Variants in ACER1 observed in about 807,000 individuals in gnomAD.
ACER1 encodes CTB-180A7.3.
Under a neutral mutation model 24.9 loss-of-function variants are expected in ACER1, and 28 were observed. The ratio of observed to expected loss-of-function variants is 1.13; its 90% CI spans 0.83 to 1.54. The LOEUF (loss-of-function observed/expected upper bound fraction) is 1.54, where lower values mean the gene tolerates loss of function less well. Ranked by LOEUF, ACER1 falls within the 40% of genes most tolerant of loss-of-function variation. ACER1 has a pLI of 0.00. For missense variants in ACER1, 352 were observed against 349.3 expected (o/e 1.01, Z -0.06); for synonymous variants, 132 against 131.4 (o/e 1.00, Z -0.03).
chr19:6,311,973 C>T (rs1395214063), intron 3 of ACER1, among the ~76,000 whole-genome samples, 176 bp downstream of exon 3: 2 of 151,772 alleles, frequency 1.3e-5, no homozygotes, highest in Admixed American at 1.3e-4. Flanking sequence ...GGAGGGGTCT[C>T]CAGAAGCCCA....
In ACER1 at chr19:6,309,985, G is replaced by C. The variant is rs956482681; in HGVS notation, c.351-151C>G. 1.0e-4 allele frequency: 97 copies of C among 943,392 alleles called. No homozygotes were observed. In the South Asian group the frequency reaches 1.6e-3, roughly 15 times the overall value. The allele number at this position is 943,392 out of a possible 1,614,324, so 58.4% of individuals were successfully genotyped here. ...TCAGAAAAGGGTCCTAGCCAGGCAG[G>C]GCACGGTGGCTCATGTCTGTAATCC... On this transcript the variant is annotated intron_variant, in intron 3 of 5. Transcript: ENST00000301452.
chr19:6,340,862 G>A, the ACER1 span, among the ~76,000 whole-genome samples: 1 of 152,098 alleles, frequency 6.6e-6, no homozygotes, highest in Non-Finnish European at 1.5e-5. Context: ...GCTCTCAGCG[G>A]TTATTGTAAC....
At chr19:6,356,399 C>G in the ACER1 span, among the ~76,000 whole-genome samples, 7 of 149,080 alleles carry the variant, frequency 4.7e-5, no homozygotes, top group East Asian at 1.4e-3. Flanking sequence ...TATCTGCTGA[C>G]CCTCCCTCCA....
chr19:6,311,680 A>G (rs1036985540), intron 3 of ACER1, among the ~76,000 whole-genome samples: 16 of 151,972 alleles, frequency 1.1e-4, no homozygotes, highest in African/African-American at 1.9e-4. Context: ...GAGGAGAAGG[A>G]GGAGGAGGTG....
At chr19:6,336,239 C>G (rs1017127565), upstream of ACER1, among the ~76,000 whole-genome samples, 1 of 152,016 alleles carries the variant, frequency 6.6e-6, no homozygotes, top group Non-Finnish European at 1.5e-5. Flanking sequence ...CTCTGTTGCC[C>G]AAGCTGGAGT....
the ACER1 span, among the ~76,000 whole-genome samples, chr19:6,347,218 C>CTTTTTTTTTTTT: frequency 7.6e-6 from 1 of 132,208 alleles, no homozygotes; most frequent in Non-Finnish European, 1.5e-5. Flanking sequence ...CTTTTCTTTT[C>CTTTTTTTTTTTT]TTTTTCTTTT....
chr19:6,313,192 C>T (rs1304148714), intron 1 of ACER1, among the ~76,000 whole-genome samples: 1 of 152,064 alleles, frequency 6.6e-6, no homozygotes, highest in Non-Finnish European at 1.5e-5. Flanking sequence ...GATCATGGCT[C>T]ATTGCAGCCT....
At chr19:6,357,301 C>A in the ACER1 span, among the ~76,000 whole-genome samples, 1 of 152,070 alleles carries the variant, frequency 6.6e-6, no homozygotes, top group Non-Finnish European at 1.5e-5. Flanking sequence ...CCCGCCTCCG[C>A]CTCCCAAAGT....
intron 3 of ACER1, among the ~76,000 whole-genome samples, chr19:6,311,260 G>A (rs1042001734): frequency 6.6e-6 from 1 of 152,022 alleles, no homozygotes; most frequent in Non-Finnish European, 1.5e-5. Context: ...GGGTTAAGCC[G>A]GGTTAGAAGA....
chr19:6,327,291 G>C (rs2091665978), intron 1 of ACER1, among the ~76,000 whole-genome samples: 1 of 152,078 alleles, frequency 6.6e-6, no homozygotes, highest in Admixed American at 6.6e-5. Context: ...ATTAGCTGGG[G>C]ATGGTGGTGC....
In ACER1 at chr19:6,320,334, C is replaced by A. The variant is rs143000174; in HGVS notation, c.94-7835G>T. Among the ~76,000 whole-genome samples, 14 of 152,062 alleles carry A rather than the reference C, an allele frequency of 9.2e-5. No individual in the cohort carries two copies. The East Asian group carries it at 2.7e-3, about 29-fold the overall frequency. The stretch of plus-strand genomic sequence containing the variant: ...AGACTTAATTGCATGAATTAAAATG[C>A]GTATATCTCACTCTGTCACCCAGGC... On this transcript the variant is annotated intron_variant, in intron 1 of 5. Transcript: ENST00000301452.
Position 6,312,489 on chromosome 19 carries a change from A to C in ACER1, c.104T>G (p.Ile35Ser). 1 of 1,613,526 alleles carries C rather than the reference A, an allele frequency of 6.2e-7. No individual in the cohort carries two copies. Among genetic ancestry groups the C allele is most frequent in the Non-Finnish European group, 8.5e-7 (1 of 1,179,762 alleles). ...CAGTGGCCCGAAGATGAAGAAGGGGATATTGGAGAACTGGAGCAGAGAGAG... is the reference window on the plus strand; with the variant it reads ...CAGTGGCCCGAAGATGAAGAAGGGGCTATTGGAGAACTGGAGCAGAGAGAG... ...VAEFYNTFSN[I>S]PFFIFGPLMM... The change falls in exon 2 of 6, where the codon ATC becomes AGC. Residue 35 changes from isoleucine to serine, a missense_variant. Transcript: ENST00000301452.
the ACER1 span, among the ~76,000 whole-genome samples, chr19:6,341,062 CTTCA>C: frequency 1.3e-5 from 2 of 152,070 alleles, no homozygotes; most frequent in Admixed American, 1.3e-4. Flanking sequence ...TGTTCTCCAC[CTTCA>C]CAGCCACAGT....
At chr19:6,323,596 T>G (rs10406674) in intron 1 of ACER1, among the ~76,000 whole-genome samples, 10,271 of 152,208 alleles carry the variant, frequency 0.067, 1,149 homozygotes, top group African/African-American at 0.23. Context: ...TTTTGTAAAT[T>G]GCCTAGTCTC....
At chr19:6,357,540 C>T in the ACER1 span, among the ~76,000 whole-genome samples, 1 of 151,866 alleles carries the variant, frequency 6.6e-6, no homozygotes, top group Admixed American at 6.6e-5. Flanking sequence ...GGGAGGCTGA[C>T]GCACATGGAT....
At chr19:6,321,886 A>C (rs1412300680) in intron 1 of ACER1, among the ~76,000 whole-genome samples, 2 of 151,902 alleles carry the variant, frequency 1.3e-5, no homozygotes, top group Non-Finnish European at 2.9e-5. Flanking sequence ...TACTGGGATG[A>C]CAGGTATGAG....
chr19:6,355,958 C>T, the ACER1 span, among the ~76,000 whole-genome samples: 1 of 151,948 alleles, frequency 6.6e-6, no homozygotes, highest in African/African-American at 2.4e-5. Flanking sequence ...GCCACCACCC[C>T]GTCTGGGAGG....
At chr19:6,307,418 G>T (rs905285931) in intron 4 of ACER1, 128 bp from the exon 5 acceptor site, 1 of 1,104,100 alleles carries the variant, frequency 9.1e-7, no homozygotes, top group Non-Finnish European at 1.3e-6. Flanking sequence ...GGAATTGAGG[G>T]TGCAAGCAGA....
chr19:6,329,520 T>C (rs2091677813), intron 1 of ACER1, among the ~76,000 whole-genome samples: 1 of 152,102 alleles, frequency 6.6e-6, no homozygotes, highest in Non-Finnish European at 1.5e-5. Flanking sequence ...ATGTAAAATT[T>C]CTTTCATAAT....
Sources: gnomAD v4.1 joint callset for allele counts (sites outside exome capture counted in the v4.1 genomes callset) on GRCh38, gnomAD v4.1.1 for gene constraint, MANE v1.5 for transcripts, NCBI Gene and HGNC (gene_info 2026-07-23, HGNC 2026-07-21) for gene names.